PJVK: variants seen among roughly 807,000 people sequenced by gnomAD.
PJVK encodes autosomal recessive deafness type 59 protein.
In PJVK, 33 loss-of-function variants were observed where a neutral mutation model predicts 37.6. The observed-to-expected ratio is 0.88, with a 90% CI of 0.67 to 1.17. PJVK has a LOEUF of 1.17. Among genes scored for constraint, PJVK ranks in the 50% most tolerant of loss-of-function variants. PJVK has a pLI of 0.00. For missense variants in PJVK, 410 were observed against 413.8 expected (o/e 0.99, Z 0.08); for synonymous variants, 141 against 143.5 (o/e 0.98, Z 0.13).
At chr2:178,455,678 C>G (rs953287365) in intron 3 of PJVK, among the ~76,000 whole-genome samples, 3 of 151,114 alleles carry the variant, frequency 2.0e-5, no homozygotes, top group Non-Finnish European at 4.4e-5. Flanking sequence ...TTAAACAAAA[C>G]TTTTAATTGT....
chr2:178,454,717 A>C, intron 3 of PJVK, 190 bp downstream of exon 3: 1 of 1,545,170 alleles, frequency 6.5e-7, no homozygotes, highest in Non-Finnish European at 8.8e-7. Context: ...ACTTGGCTGA[A>C]GTCAGAGACC....
chr2:178,453,059 T>C (rs1234177035), intron 1 of PJVK: 3 of 317,902 alleles, frequency 9.4e-6, no homozygotes, highest in South Asian at 5.5e-5. Flanking sequence ...TCCCTTAAAA[T>C]TGGCCCATTG....
At chr2:178,454,788 G>T in intron 3 of PJVK, 1 of 1,567,558 alleles carries the variant, frequency 6.4e-7, no homozygotes, top group South Asian at 1.1e-5. Flanking sequence ...GCTAGAGATT[G>T]ACCAGAAATA....
Position 178,453,671 on chromosome 2 carries a change from A to G in PJVK, c.211+51A>G, listed in dbSNP as rs778812471. 2.0e-6 allele frequency: 3 copies of G among 1,465,292 alleles called. No individual in the cohort carries two copies. The Admixed American group carries it at 5.5e-5, about 27-fold the overall frequency. 90.8% of individuals were successfully genotyped at this position (1,465,292 alleles called of 1,614,324 possible). On this transcript the variant is annotated intron_variant, in intron 2 of 6. Transcript: ENST00000644580. Reference sequence around the variant, plus strand: ...AACTCATTCATCTGTATTATTGGCAACCTAAACATAGGTCATATATGCTAC... The same window carrying G: ...AACTCATTCATCTGTATTATTGGCAGCCTAAACATAGGTCATATATGCTAC...
Position 178,461,333 on chromosome 2 carries a change from C to T in PJVK, c.*59C>T. 6.3e-7 allele frequency: 1 copy of T among 1,580,958 alleles called. No homozygotes were observed. The highest frequency in any genetic ancestry group is 1.3e-5 in the African/African-American group (1 of 74,374). On this transcript the variant is annotated 3_prime_UTR_variant, in exon 7 of 7. Coordinates refer to ENST00000644580, the MANE Select transcript of PJVK (RefSeq NM_001042702.5). ...GGTGCAGTTGTGCCACAAACCTTCC[C>T]TAAATTATCTAGGTTTGCTTTGATG... is the stretch of plus-strand genomic sequence containing the variant.
rs1684065847 is a variant in PJVK, at chr2:178,456,152, G to A, written c.549+1G>A. The A allele has an allele frequency of 2.5e-6, 4 of 1,613,772 alleles. No individual in the cohort carries two copies. Among genetic ancestry groups the A allele is most frequent in the Non-Finnish European group, 3.4e-6 (4 of 1,179,854 alleles). On this transcript the variant is annotated splice_donor_variant, in intron 4 of 6. Transcript: ENST00000644580. LOFTEE classifies it high-confidence loss of function. ...TGGAATTCGAGGGGAAGCAATGCGG[G>A]TAAACCACACTTGTTGGGTTCTCTT...
intron 6 of PJVK, 64 bp downstream of exon 6, chr2:178,460,510 T>A: frequency 7.0e-7 from 1 of 1,424,484 alleles, no homozygotes; most frequent in Non-Finnish European, 9.8e-7. Context: ...ACACATGAGG[T>A]TTTCTATTCA....
intron 6 of PJVK, 149 bp from the exon 7 acceptor site, chr2:178,460,833 A>G: frequency 1.3e-6 from 1 of 746,154 alleles, no homozygotes; most frequent in Non-Finnish European, 2.0e-6. Flanking sequence ...TGGGTGACAG[A>G]GCCAGACCCT....
intron 4 of PJVK, among the ~76,000 whole-genome samples, chr2:178,456,398 G>A (rs1684088402): frequency 6.6e-6 from 1 of 152,090 alleles, no homozygotes; most frequent in Non-Finnish European, 1.5e-5. Flanking sequence ...GCATACTGGA[G>A]TCCCTCAAGT....
chr2:178,456,085 G>C lies in PJVK; in HGVS notation c.483G>C (p.Glu161Asp), dbSNP rs1404593518. The C allele has an allele frequency of 6.2e-7, 1 of 1,614,170 alleles. No homozygotes were observed. Among genetic ancestry groups the C allele is most frequent in the South Asian group, 1.1e-5 (1 of 91,072 alleles). ...AGGCAGTATTGTGTGTGGTCATGGA[G>C]AGCATCCGAACCACACGACAGTGCT... Reference protein sequence around the residue: ...SRKAVLCVVMESIRTTRQCSL... With the variant: ...SRKAVLCVVMDSIRTTRQCSL... The change falls in exon 4 of 7, where the codon GAG (glutamate) becomes GAC (aspartate). Residue 161 changes from glutamate to aspartate, a missense_variant. Physicochemically the swap from Glu to Asp is conservative, Grantham distance 45 (BLOSUM62 2). Transcript: ENST00000644580.
chr2:178,454,594 A>G, intron 3 of PJVK, 67 bp downstream of exon 3: 1 of 1,520,126 alleles, frequency 6.6e-7, no homozygotes, highest in South Asian at 1.2e-5. Flanking sequence ...AAACTTCATT[A>G]CAAAGAATGC....
rs1253767418 is a variant in PJVK, at chr2:178,461,684, A to G, written c.*410A>G. ...ACTGCAACCTCTGCCTCCTGGGTTC[A>G]AGCAATTCTCTGCCTCAGCCTCCCG... On this transcript the variant is annotated 3_prime_UTR_variant, in exon 7 of 7. Transcript: ENST00000644580. Among the ~76,000 whole-genome samples, 1 of 148,696 alleles carries G rather than the reference A, an allele frequency of 6.7e-6. No homozygotes were observed. The highest frequency in any genetic ancestry group is 1.5e-5 in the Non-Finnish European group (1 of 67,730).
In PJVK at chr2:178,461,425, A is replaced by C; in HGVS notation, c.*151A>C. ...CTGGGTATCATATTCCCTATCTATA[A>C]AGTAGCAATTATAACAGTAGTGTCT... On this transcript the variant is annotated 3_prime_UTR_variant, in exon 7 of 7. Coordinates refer to ENST00000644580, the MANE Select transcript of PJVK (RefSeq NM_001042702.5). The C allele has an allele frequency of 1.3e-6, 1 of 777,532 alleles. No individual in the cohort carries two copies. Among genetic ancestry groups the C allele is most frequent in the Non-Finnish European group, 2.1e-6 (1 of 487,642 alleles). The allele number at this position is 777,532 out of a possible 1,614,324, so 48.2% of individuals were successfully genotyped here. A position where few individuals can be genotyped will look rare whatever the true frequency, so the allele number is the denominator to read the frequency against.
chr2:178,453,522 TA>T lies in PJVK; in HGVS notation c.119del (p.Lys40ArgfsTer19). 2 of 1,614,142 alleles carry T rather than the reference TA, an allele frequency of 1.2e-6. No homozygotes were observed. The highest frequency in any genetic ancestry group is 1.1e-5 in the South Asian group (1 of 91,086). On this transcript the variant is annotated frameshift_variant, in exon 2 of 7. Coordinates refer to ENST00000644580, the MANE Select transcript of PJVK (RefSeq NM_001042702.5). LOFTEE classifies it high-confidence loss of function. Reference sequence around the variant, plus strand: ...AAATATCAACCTCTAAGTCTGGTGGTAAAAAAGAAGCGATGCTTTCTGTTTC... The same window carrying T: ...AAATATCAACCTCTAAGTCTGGTGGTAAAAAGAAGCGATGCTTTCTGTTTC... ...ADKYQPLSLV[V>X]KKKRCFLFPR... is the part of the protein sequence containing the mutation.
chr2:178,455,024 C>T (rs369260014), intron 3 of PJVK: 233 of 1,108,300 alleles, frequency 2.1e-4, no homozygotes, highest in African/African-American at 4.1e-4. Context: ...AAGGGAAGGA[C>T]GTGGTGGTGG....
In PJVK at chr2:178,453,593, C is replaced by T. The variant is rs769127391; in HGVS notation, c.184C>T (p.Leu62Phe). 1.2e-6 allele frequency: 2 copies of T among 1,613,328 alleles called. No homozygotes were observed. Among genetic ancestry groups the T allele is most frequent in the Non-Finnish European group, 1.7e-6 (2 of 1,179,678 alleles). ...TSTPFTLKDI[L>F]LGDREISAGI... ...AACACCTTTTACACTGAAAGATATTCTCCTAGGAGACAGAGAAATTTCAGC... is the reference window on the plus strand; with the variant it reads ...AACACCTTTTACACTGAAAGATATTTTCCTAGGAGACAGAGAAATTTCAGC... The change falls in exon 2 of 7, where the codon CTC becomes TTC. Residue 62 changes from leucine (L) to phenylalanine (F), a missense_variant. Physicochemically the swap from Leu to Phe is conservative, Grantham distance 22 (BLOSUM62 0). Transcript: ENST00000644580.
intron 3 of PJVK, chr2:178,454,985 G>A (rs982125842): frequency 2.1e-5 from 21 of 987,248 alleles, no homozygotes; most frequent in African/African-American, 1.6e-4. Context: ...TGGACCTGGC[G>A]GTCCCTTTCT....
Position 178,453,450 on chromosome 2 carries a change from G to T in PJVK, c.41G>T (p.Gly14Val). Residue 14 changes from glycine to valine, a missense_variant, in exon 2 of 7, where the codon GGA becomes GTA. Physicochemically the swap from Gly to Val is moderately radical, Grantham distance 109. Coordinates refer to ENST00000644580, the MANE Select transcript of PJVK (RefSeq NM_001042702.5). ...ACCAAGAGCTTTGTCAAGCAAGTTG[G>T]AGATGGAGGGAGATTAGTTCCTGTT... Reference protein sequence around the residue: ...AATKSFVKQVGDGGRLVPVPS... With the variant: ...AATKSFVKQVVDGGRLVPVPS... 6.2e-7 allele frequency: 1 copy of T among 1,614,156 alleles called. No individual in the cohort carries two copies. The highest frequency in any genetic ancestry group is 8.5e-7 in the Non-Finnish European group (1 of 1,180,018).
chr2:178,452,510 C>T (rs1697749493), intron 1 of PJVK: 2 of 984,932 alleles, frequency 2.0e-6, no homozygotes, highest in Admixed American at 6.2e-5. Flanking sequence ...GCTACATAGT[C>T]AGTATTTCAC....
Sources: gnomAD v4.1 joint callset for allele counts (sites outside exome capture counted in the v4.1 genomes callset) on GRCh38, gnomAD v4.1.1 for gene constraint, MANE v1.5 for transcripts, NCBI Gene and HGNC (gene_info 2026-07-23, HGNC 2026-07-21) for gene names.